The following CUEDC1 variants were observed in gnomAD, a reference collection of about 807,000 sequenced individuals.
The protein encoded by CUEDC1 is CUE domain containing 1, also known as CUE domain-containing protein 1.
CUEDC1 carries 30 observed loss-of-function variants against 43.7 expected under a neutral mutation model. The observed-to-expected ratio is 0.69, with a 90% CI of 0.51 to 0.93. The LOEUF (loss-of-function observed/expected upper bound fraction) is 0.93, where lower values mean the gene tolerates loss of function less well. Ranked by LOEUF, CUEDC1 falls within the 40% of genes least tolerant of loss-of-function variation. CUEDC1 has a pLI of 0.00. For synonymous variants in CUEDC1, 223 were observed against 223.6 expected (o/e 1.00, Z 0.02); for missense variants, 486 against 549.0 (o/e 0.89, Z 1.15).
At chr17:57,951,385 C>T (rs1598031331) in intron 1 of CUEDC1, among the ~76,000 whole-genome samples, 1 of 152,134 alleles carries the variant, frequency 6.6e-6, no homozygotes, top group East Asian at 1.9e-4. Flanking sequence ...ACACTCTAAA[C>T]AACTAAGCTA....
Position 57,948,378 on chromosome 17 carries a change from C to A in CUEDC1, c.-316+6847G>T, listed in dbSNP as rs544016441. Among the ~76,000 whole-genome samples, 3 of 152,246 alleles carry A rather than the reference C, an allele frequency of 2.0e-5. No individual in the cohort carries two copies. The East Asian group carries it at 5.8e-4, about 29-fold the overall frequency. ...CTGTAGGTCCCTCCCAGTGAGCACC[C>A]CCGGGTGATGCTGACCAGGAACATT... On this transcript the variant is annotated intron_variant, in intron 1 of 10. Transcript: ENST00000577830.
At chr17:57,909,170 G>A (rs765150281) in intron 1 of CUEDC1, among the ~76,000 whole-genome samples, 2 of 151,864 alleles carry the variant, frequency 1.3e-5, no homozygotes, top group Non-Finnish European at 2.9e-5. Flanking sequence ...ACGAAATCTC[G>A]TTCTGTCATG....
intron 8 of CUEDC1, chr17:57,867,683 A>G: frequency 3.5e-6 from 2 of 564,408 alleles, no homozygotes; most frequent in Non-Finnish European, 6.4e-6. Context: ...AGCCTCTGCT[A>G]TCCTAGGCCC....
intron 1 of CUEDC1, among the ~76,000 whole-genome samples, chr17:57,952,163 C>G (rs993525051): frequency 3.3e-5 from 5 of 152,082 alleles, no homozygotes; most frequent in African/African-American, 4.8e-5. Flanking sequence ...ACCACTGGAC[C>G]ACAGCGCTTT....
intron 1 of CUEDC1, among the ~76,000 whole-genome samples, chr17:57,887,117 G>A (rs1293490122): frequency 2.6e-5 from 4 of 152,038 alleles, no homozygotes; most frequent in Admixed American, 2.6e-4. Context: ...CACCGTGCCC[G>A]GCCATAAATT....
intron 1 of CUEDC1, among the ~76,000 whole-genome samples, chr17:57,933,063 T>C (rs2074824186): frequency 6.6e-6 from 1 of 152,058 alleles, no homozygotes; most frequent in Non-Finnish European, 1.5e-5. Context: ...GGCCAGATGA[T>C]CCCCACTTGT....
At chr17:57,871,877 T>C (rs2074039138) in intron 5 of CUEDC1, among the ~76,000 whole-genome samples, 1 of 152,224 alleles carries the variant, frequency 6.6e-6, no homozygotes, top group Admixed American at 6.5e-5. Context: ...TGAGCCGAGA[T>C]TGAGCCACTG....
At chr17:57,875,483 T>C (rs1056686539) in intron 3 of CUEDC1, among the ~76,000 whole-genome samples, 1 of 151,716 alleles carries the variant, frequency 6.6e-6, no homozygotes, top group African/African-American at 2.4e-5. Context: ...CTGGTAGAGA[T>C]GAGGTCAGCC....
intron 1 of CUEDC1, among the ~76,000 whole-genome samples, chr17:57,924,650 A>G (rs2074729435): frequency 6.6e-6 from 1 of 151,798 alleles, no homozygotes; most frequent in South Asian, 2.1e-4. Context: ...ACCCCTGTAT[A>G]AGCCACAGGA....
At chr17:57,865,107 T>G (rs1036049799) in intron 10 of CUEDC1, among the ~76,000 whole-genome samples, 1 of 152,098 alleles carries the variant, frequency 6.6e-6, no homozygotes, top group Non-Finnish European at 1.5e-5. Flanking sequence ...AAGTTTCTGA[T>G]GTAGGGGTGG....
intron 1 of CUEDC1, among the ~76,000 whole-genome samples, chr17:57,896,355 T>C (rs1180730695): frequency 6.6e-6 from 1 of 152,194 alleles, no homozygotes; most frequent in Admixed American, 6.6e-5. Context: ...AGCATCCTCC[T>C]CTCTCTATAT....
Position 57,924,014 on chromosome 17 carries a change from G to T in CUEDC1, c.-316+31211C>A, listed in dbSNP as rs1489508152. On this transcript the variant is annotated intron_variant, in intron 1 of 10. Transcript: ENST00000577830. ...TTTTGAGATGAGGTCTTGTTATATT[G>T]CCCAGGCTGGGCTCCTGGGCTCAAT... Among the ~76,000 whole-genome samples, 4 of 151,386 alleles carry T rather than the reference G, an allele frequency of 2.6e-5. No individual in the cohort carries two copies. In the East Asian group the frequency reaches 7.7e-4, roughly 29 times the overall value.
rs2073875487 is a variant in CUEDC1 at position 57,861,725 on chromosome 17, G to C, written c.*1564C>G. The C allele has an allele frequency of 6.6e-6, 1 of 152,226 alleles. No individual in the cohort carries two copies. The highest frequency in any genetic ancestry group is 2.4e-5 in the African/African-American group (1 of 41,452). The allele number at this position is 152,226 out of a possible 1,614,324, so 9.4% of individuals were successfully genotyped here. On this transcript the variant is annotated 3_prime_UTR_variant, in exon 11 of 11. Transcript: ENST00000577830. ...ACATGGGGCTGGGGCTTCCCCCACA[G>C]TGCGCCGGGTCCTGGCGCGGGGAAG...
chr17:57,902,461 C>G (rs541380650), intron 1 of CUEDC1, among the ~76,000 whole-genome samples: 1 of 152,176 alleles, frequency 6.6e-6, no homozygotes, highest in Non-Finnish European at 1.5e-5. Flanking sequence ...ACCCACAGCC[C>G]GGACACGGGT....
At chr17:57,914,359 G>A (rs2074615845) in intron 1 of CUEDC1, among the ~76,000 whole-genome samples, 1 of 152,214 alleles carries the variant, frequency 6.6e-6, no homozygotes, top group East Asian at 1.9e-4. Context: ...GAGAAAAAGA[G>A]TTAAACCTTG....
chr17:57,868,926 C>T (rs1397817060), intron 7 of CUEDC1, among the ~76,000 whole-genome samples, 196 bp downstream of exon 7: 1 of 152,184 alleles, frequency 6.6e-6, no homozygotes. Context: ...GGATTTAAAA[C>T]TTAATTTGTA....
chr17:57,936,977 C>G (rs1178365596), intron 1 of CUEDC1, among the ~76,000 whole-genome samples: 2 of 152,026 alleles, frequency 1.3e-5, no homozygotes, highest in South Asian at 2.1e-4. Context: ...TACACCACCA[C>G]GTCAAGCTAA....
intron 4 of CUEDC1, among the ~76,000 whole-genome samples, chr17:57,873,099 C>G (rs2074058800): frequency 6.6e-6 from 1 of 152,208 alleles, no homozygotes; most frequent in Non-Finnish European, 1.5e-5. Context: ...CACCTCATAC[C>G]TTCATCTACA....
Position 57,954,827 on chromosome 17 carries a change from AGGGGGAGCGGC to A in CUEDC1, c.-316+387_-316+397del, listed in dbSNP as rs1390043680. 6.6e-6 allele frequency among the ~76,000 whole-genome samples: 1 copy of A among 151,546 alleles called. No individual in the cohort carries two copies. Among genetic ancestry groups the A allele is most frequent in the Non-Finnish European group, 1.5e-5 (1 of 67,798 alleles). ...CTGCGGGGAGGGGCGCCCACACAAAAGGGGGAGCGGCGGGAGAGGGGACTCGGGCGAAGCCG... is the reference window on the plus strand; with the variant it reads ...CTGCGGGGAGGGGCGCCCACACAAAAGGGAGAGGGGACTCGGGCGAAGCCG... On this transcript the variant is annotated intron_variant, in intron 1 of 10. Transcript: ENST00000577830. This position sits in a 1 kb window ranked among gnomAD's most constrained non-coding sequence, Gnocchi z 4.3.
Sources: gnomAD v4.1 joint callset for allele counts (sites outside exome capture counted in the v4.1 genomes callset) on GRCh38, gnomAD v4.1.1 for gene constraint, Gnocchi (gnomAD v3.1) non-coding constraint, MANE v1.5 for transcripts, NCBI Gene and HGNC (gene_info 2026-07-23, HGNC 2026-07-21) for gene names.